LRRC4C: variants seen among roughly 807,000 people sequenced by gnomAD.
The protein encoded by LRRC4C is leucine rich repeat containing 4C.
LRRC4C carries 5 observed loss-of-function variants against 33.6 expected under a neutral mutation model. That is an observed-to-expected ratio of 0.15 (90% CI 0.08 to 0.31). LRRC4C has a LOEUF of 0.31. LRRC4C is among the 10% of genes least tolerant of loss of function. LRRC4C has a pLI of 1.00. For synonymous variants in LRRC4C, 329 were observed against 302.0 expected, an observed-to-expected ratio of 1.09 and a Z score of -0.93; for missense variants, 560 against 796.7, an observed-to-expected ratio of 0.70 and a Z score of 3.58.
chr11:40,208,522 T>C (rs978320819), intron 5 of LRRC4C, among the ~76,000 whole-genome samples: 23 of 152,042 alleles, frequency 1.5e-4, no homozygotes, highest in Non-Finnish European at 2.9e-4. Context: ...ATCTTATATG[T>C]AATTCTAAAT....
chr11:41,372,826 C>T (rs1227962773), intron 1 of LRRC4C, among the ~76,000 whole-genome samples: 17 of 147,296 alleles, frequency 1.2e-4, no homozygotes, highest in Admixed American at 1.1e-3. Context: ...CATATATTTA[C>T]AAATCTAATA....
chr11:40,624,427 G>T (rs190025680), intron 3 of LRRC4C, among the ~76,000 whole-genome samples: 6 of 152,192 alleles, frequency 3.9e-5, no homozygotes, highest in Admixed American at 3.3e-4. Flanking sequence ...CCCAGATGTG[G>T]CAGTGACCAC....
intron 3 of LRRC4C, among the ~76,000 whole-genome samples, chr11:40,550,347 A>G (rs1957084475): frequency 6.6e-6 from 1 of 152,146 alleles, no homozygotes; most frequent in African/African-American, 2.4e-5. Context: ...GCCCCAGAAC[A>G]TTTTATCATC....
intron 1 of LRRC4C, among the ~76,000 whole-genome samples, chr11:41,373,592 C>A (rs1300021820): frequency 6.6e-6 from 1 of 152,078 alleles, no homozygotes; most frequent in Non-Finnish European, 1.5e-5. Flanking sequence ...ATAATACTCT[C>A]GGAATATCTC....
At chr11:41,268,984 C>G (rs1162883285) in intron 1 of LRRC4C, among the ~76,000 whole-genome samples, 3 of 152,074 alleles carry the variant, frequency 2.0e-5, no homozygotes, top group Non-Finnish European at 4.4e-5. Context: ...TAATCATGAC[C>G]AAGCTGTGAT....
chr11:41,254,578 C>A (rs1948741088), intron 1 of LRRC4C, among the ~76,000 whole-genome samples: 1 of 151,876 alleles, frequency 6.6e-6, no homozygotes, highest in African/African-American at 2.4e-5. Context: ...AGCTGGTTAC[C>A]CAAGGGGCCA....
At chr11:40,747,939 A>C (rs942039571) in intron 2 of LRRC4C, among the ~76,000 whole-genome samples, 1 of 152,306 alleles carries the variant, frequency 6.6e-6, no homozygotes. Flanking sequence ...TTAAATTATC[A>C]GAGTCCCAAG....
intron 3 of LRRC4C, among the ~76,000 whole-genome samples, chr11:40,582,266 C>T (rs17409718): frequency 0.25 from 38,500 of 151,954 alleles, 5,115 homozygotes; most frequent in Middle Eastern, 0.36. Context: ...ATTTTATAAT[C>T]ACAAAATTAC....
intron 2 of LRRC4C, among the ~76,000 whole-genome samples, chr11:40,826,564 A>G (rs1356674365): frequency 6.6e-6 from 1 of 151,946 alleles, no homozygotes; most frequent in Non-Finnish European, 1.5e-5. Flanking sequence ...ACCACCTAAA[A>G]GTCATTAGAA....
chr11:40,451,366 CTTTTTTTTTTTTTTTTTTTTTT>C (rs71060962), intron 3 of LRRC4C, among the ~76,000 whole-genome samples: 40 of 47,088 alleles, frequency 8.5e-4, no homozygotes, highest in Middle Eastern at 0.022. Context: ...GAAATAATGA[CTTTTTTTTTTTTTTTTTTTTTT>C]TTTTTTTTTT....
chr11:40,433,943 G>A (rs538920844), intron 3 of LRRC4C, among the ~76,000 whole-genome samples: 11 of 152,238 alleles, frequency 7.2e-5, no homozygotes, highest in South Asian at 4.1e-4. Flanking sequence ...AAACTTGAAC[G>A]AATGCTTGAT....
At chr11:40,669,965 T>C (rs1944005624) in intron 2 of LRRC4C, among the ~76,000 whole-genome samples, 1 of 152,204 alleles carries the variant, frequency 6.6e-6, no homozygotes, top group Non-Finnish European at 1.5e-5. Context: ...AACAACCACA[T>C]AATAGTCTCA....
At chr11:40,674,911 A>G (rs1430187972) in intron 2 of LRRC4C, among the ~76,000 whole-genome samples, 1 of 152,152 alleles carries the variant, frequency 6.6e-6, no homozygotes, top group Admixed American at 6.5e-5. Flanking sequence ...CATATGCCCA[A>G]ATTTGCACAG....
chr11:40,964,616 C>T (rs962556800), intron 1 of LRRC4C, among the ~76,000 whole-genome samples: 10 of 145,242 alleles, frequency 6.9e-5, no homozygotes, highest in Non-Finnish European at 1.0e-4. Context: ...TGAGAATATG[C>T]GGTGTTTGGT....
intron 2 of LRRC4C, among the ~76,000 whole-genome samples, chr11:40,834,903 GACAGACAGACACACAC>G (rs1354149379): frequency 3.1e-4 from 12 of 39,056 alleles, no homozygotes; most frequent in Admixed American, 1.2e-3. Flanking sequence ...CAGACAGACA[GACAGACAGACACACAC>G]ACACACACAC....
chr11:40,114,775 G>A lies in LRRC4C; in HGVS notation c.1518C>T (p.Thr506=). The stretch of plus-strand genomic sequence containing the variant: ...CACTGTTTATATCAGTCACTGGGAT[G>A]GTGAAGGTTTTCTCTGTCGACCTTG... ...QSTRSTEKTF[T]IPVTDINSGI... The change falls in exon 7 of 7, where the codon ACC becomes ACT. Residue 506 remains threonine (T), a synonymous_variant. Transcript: ENST00000528697. 6.2e-7 allele frequency: 1 copy of A among 1,614,114 alleles called. No homozygotes were observed. The highest frequency in any genetic ancestry group is 8.5e-7 in the Non-Finnish European group (1 of 1,180,020).
At chr11:40,988,717 T>TC (rs199801791) in intron 1 of LRRC4C, among the ~76,000 whole-genome samples, 48 of 121,124 alleles carry the variant, frequency 4.0e-4, no homozygotes, top group African/African-American at 2.0e-3. Context: ...TCTTTTCTTT[T>TC]TTTTTTTTTT....
At chr11:40,195,739 T>C (rs11035732) in intron 5 of LRRC4C, among the ~76,000 whole-genome samples, 2,975 of 126,972 alleles carry the variant, frequency 0.023, 108 homozygotes, top group African/African-American at 0.081. Flanking sequence ...AAAAAGGTGA[T>C]TGTCAAAAAA....
chr11:41,100,304 C>T (rs576979798), intron 1 of LRRC4C, among the ~76,000 whole-genome samples: 28 of 152,058 alleles, frequency 1.8e-4, no homozygotes, highest in Non-Finnish European at 3.4e-4. Context: ...CGGTGGCTCA[C>T]GACTGTAATT....
Sources: gnomAD v4.1 joint callset for allele counts (sites outside exome capture counted in the v4.1 genomes callset) on GRCh38, gnomAD v4.1.1 for gene constraint, MANE v1.5 for transcripts, NCBI Gene and HGNC (gene_info 2026-07-23, HGNC 2026-07-21) for gene names.